The following JMJD1C variants were observed in gnomAD, a reference collection of about 807,000 sequenced individuals.
The protein encoded by JMJD1C is jumonji domain-containing protein 1C.
In JMJD1C, 31 loss-of-function variants were observed where a neutral mutation model predicts 245.3. The observed-to-expected ratio is 0.13, with a 90% confidence interval of 0.09 to 0.17. The LOEUF is 0.17. Ranked by LOEUF, JMJD1C falls within the 10% of genes least tolerant of loss-of-function variation. The pLI is 1.00. For missense variants in JMJD1C, 2,691 were observed against 3,000.2 expected, an observed-to-expected ratio of 0.90 and a Z score of 2.41; for synonymous variants, 1,057 against 1,017.4, an observed-to-expected ratio of 1.04 and a Z score of -0.74.
intron 2 of JMJD1C, among the ~76,000 whole-genome samples, chr10:63,330,150 C>CCCA (rs1273476583): frequency 1.3e-5 from 2 of 152,088 alleles, no homozygotes; most frequent in African/African-American, 4.8e-5. Flanking sequence ...GATCCACCTG[C>CCCA]CCTGACCTCC....
At chr10:63,225,054 CTG>C (rs1849089908) in intron 3 of JMJD1C, among the ~76,000 whole-genome samples, 1 of 151,438 alleles carries the variant, frequency 6.6e-6, no homozygotes, top group Non-Finnish European at 1.5e-5. Flanking sequence ...GAGCGAGACT[CTG>C]TCTCGAAAAA....
chr10:63,336,267 C>T (rs1191659634), intron 2 of JMJD1C, among the ~76,000 whole-genome samples: 1 of 152,094 alleles, frequency 6.6e-6, no homozygotes, highest in East Asian at 1.9e-4. Flanking sequence ...TCGAGACCAG[C>T]CTGGCCAACA....
Position 63,207,957 on chromosome 10 carries a change from C to T in JMJD1C, c.3712G>A (p.Val1238Ile). The T allele has an allele frequency of 6.2e-7, 1 of 1,614,188 alleles. No individual in the cohort carries two copies. Among genetic ancestry groups the T allele is most frequent in the Non-Finnish European group, 8.5e-7 (1 of 1,180,010 alleles). The change falls in exon 10 of 26, where the codon GTA becomes ATA. Residue 1238 changes from valine to isoleucine, a missense_variant. Physicochemically the swap from Val to Ile is conservative, Grantham distance 29. Coordinates refer to ENST00000399262, the MANE Select transcript of JMJD1C (RefSeq NM_032776.3). ...SPPTLTPVMP[V>I]NAGGKVQESQ... ...TCTTGAACTTTACCACCAGCATTTA[C>T]TGGCATCACCGGAGTTAAAGTTGGA...
intron 2 of JMJD1C, among the ~76,000 whole-genome samples, chr10:63,348,088 T>G (rs1275321831): frequency 1.3e-5 from 2 of 151,730 alleles, no homozygotes; most frequent in Non-Finnish European, 2.9e-5. Context: ...TGGTGGCGCA[T>G]GCTTGCAATC....
At position 63,207,528 on chromosome 10, in the gene JMJD1C, G is replaced by A. The variant is rs1302081551; in HGVS notation, c.4141C>T (p.Pro1381Ser). Residue 1381 changes from proline (P) to serine (S), a missense_variant, in exon 10 of 26, where the codon CCC becomes TCC. Physicochemically the swap from Pro to Ser is moderately conservative, Grantham distance 74. Coordinates refer to ENST00000399262, the MANE Select transcript of JMJD1C (RefSeq NM_032776.3). ...TTTACAGCAGACATGACTGAACTGG[G>A]AACACTGCCCTGTGAGACAGCCTGA... is the stretch of plus-strand genomic sequence containing the variant. ...NFQAVSQGSV[P>S]SSVMSAVNTM... The A allele has an allele frequency of 2.5e-6, 4 of 1,614,042 alleles. No homozygotes were observed. In the African/African-American group the frequency reaches 5.3e-5, roughly 22 times the overall value.
chr10:63,266,251 C>T (rs1855558587), intron 2 of JMJD1C, among the ~76,000 whole-genome samples: 1 of 152,030 alleles, frequency 6.6e-6, no homozygotes, highest in African/African-American at 2.4e-5. Context: ...ACCTTTTAAG[C>T]ACTCTATTAT....
intron 3 of JMJD1C, among the ~76,000 whole-genome samples, chr10:63,223,757 G>GTT (rs199636723): frequency 0.025 from 3,752 of 151,470 alleles, 149 homozygotes; most frequent in African/African-American, 0.086. Flanking sequence ...AATATTTTTT[G>GTT]TTTTGTTTTG....
At chr10:63,512,110 T>C (rs117844581) in intron 1 of JMJD1C, among the ~76,000 whole-genome samples, 2,322 of 152,314 alleles carry the variant, frequency 0.015, 26 homozygotes, top group Middle Eastern at 0.071. Context: ...TCATTTCACT[T>C]ATACCTAAGT....
rs572632389 is a variant in JMJD1C at position 63,336,448 on chromosome 10, ACT to A, written c.333+43868_333+43869del. On this transcript the variant is annotated intron_variant, in intron 2 of 25. Transcript: ENST00000399262. Reference sequence around the variant, plus strand: ...ACTCCAGCCTGGGCGACAGAGCAAGACTCTGTCTCAAAAAATAATAATAAATA... The same window carrying A: ...ACTCCAGCCTGGGCGACAGAGCAAGACTGTCTCAAAAAATAATAATAAATA... Among the ~76,000 whole-genome samples, 160 of 152,164 alleles carry A rather than the reference ACT, an allele frequency of 1.1e-3. 2 individuals are homozygous for A. Among genetic ancestry groups the A allele is most frequent in the African/African-American group, 3.7e-3 (153 of 41,506 alleles).
chr10:63,289,441 G>A (rs1172976259), intron 2 of JMJD1C, among the ~76,000 whole-genome samples: 2 of 152,134 alleles, frequency 1.3e-5, no homozygotes, highest in South Asian at 2.1e-4. Context: ...ATTTGTGGAT[G>A]GAAATATCAA....
chr10:63,449,382 C>A (rs571321048), intron 1 of JMJD1C, among the ~76,000 whole-genome samples: 3 of 151,958 alleles, frequency 2.0e-5, no homozygotes, highest in Admixed American at 6.6e-5. Flanking sequence ...AAACTTTAGG[C>A]AAGATTTAAG....
chr10:63,226,751 A>ATGATGGAG (rs1849339148), intron 3 of JMJD1C, among the ~76,000 whole-genome samples: 1 of 145,882 alleles, frequency 6.9e-6, no homozygotes, highest in Admixed American at 6.9e-5. Context: ...AGAGAAGGAC[A>ATGATGGAG]TGATGGAGTA....
At chr10:63,168,999 A>C (rs75963804) in intron 24 of JMJD1C, among the ~76,000 whole-genome samples, 25 of 152,314 alleles carry the variant, frequency 1.6e-4, no homozygotes, top group Middle Eastern at 3.4e-3. Context: ...CTTACATCAG[A>C]GAATAAAGAA....
chr10:63,407,934 T>C (rs1367811225), intron 1 of JMJD1C, among the ~76,000 whole-genome samples: 3 of 151,724 alleles, frequency 2.0e-5, no homozygotes, highest in African/African-American at 7.3e-5. Context: ...ACATAAAGGA[T>C]ATAGGAGACA....
chr10:63,292,144 A>ATTTTTTTT lies in JMJD1C; in HGVS notation c.334-27388_334-27381dup, dbSNP rs573065816. On this transcript the variant is annotated intron_variant, in intron 2 of 25. Transcript: ENST00000399262. The stretch of plus-strand genomic sequence containing the variant: ...TTTTTTTTAGTTTCTGTAGAGACAG[A>ATTTTTTTT]TTTTTTTTTTTTTTTTTTTGCCTAG... 6.7e-4 allele frequency among the ~76,000 whole-genome samples: 38 copies of ATTTTTTTT among 56,344 alleles called. 6 individuals carry two copies. The highest frequency in any genetic ancestry group is 1.0e-3 in the African/African-American group (14 of 13,526). The allele number at this position is 56,344 out of a possible 152,430, so 37.0% of individuals were successfully genotyped here.
At chr10:63,367,395 C>A (rs894693105) in intron 2 of JMJD1C, among the ~76,000 whole-genome samples, 3 of 151,968 alleles carry the variant, frequency 2.0e-5, no homozygotes, top group Admixed American at 6.6e-5. Context: ...TACAGGCATG[C>A]GCCACCATGC....
chr10:63,208,322 T>C lies in JMJD1C; in HGVS notation c.3347A>G (p.Asn1116Ser), dbSNP rs1164611394. 2 of 1,614,160 alleles carry C rather than the reference T, an allele frequency of 1.2e-6. No individual in the cohort carries two copies. The highest frequency in any genetic ancestry group is 1.7e-6 in the Non-Finnish European group (2 of 1,180,012). The stretch of plus-strand genomic sequence containing the variant: ...ATTACTCTGTTTATCACCGTAAATA[T>C]TTGAAACTTCTTTGGATGGGTATGA... The part of the protein sequence containing the change: ...PRSYPSKEVS[N>S]IYGDKQSNAL... Residue 1116 changes from asparagine to serine, a missense_variant, in exon 10 of 26, where the codon AAT becomes AGT. Asn to Ser is a conservative substitution (Grantham distance 46, BLOSUM62 1). Coordinates refer to ENST00000399262, the MANE Select transcript of JMJD1C (RefSeq NM_032776.3).
At chr10:63,182,778 G>A (rs1212997686) in intron 22 of JMJD1C, among the ~76,000 whole-genome samples, 5 of 152,202 alleles carry the variant, frequency 3.3e-5, no homozygotes, top group East Asian at 1.9e-4. Context: ...AAAAAAGAAT[G>A]TTTGAGTCAC....
chr10:63,278,105 C>T (rs1269386773), intron 2 of JMJD1C, among the ~76,000 whole-genome samples: 2 of 151,856 alleles, frequency 1.3e-5, no homozygotes, highest in Admixed American at 1.3e-4. Context: ...TTGACTTAAA[C>T]AAAACTTTTA....
Sources: gnomAD v4.1 joint callset for allele counts (sites outside exome capture counted in the v4.1 genomes callset) on GRCh38, gnomAD v4.1.1 for gene constraint, MANE v1.5 for transcripts, NCBI Gene and HGNC (gene_info 2026-07-23, HGNC 2026-07-21) for gene names.